The following BMP2K variants were observed in gnomAD, a reference collection of about 807,000 sequenced individuals.
BMP2K encodes the protein BMP2 inducible kinase.
BMP2K carries 74 observed loss-of-function variants against 116.0 expected under a neutral mutation model. The ratio of observed to expected loss-of-function variants is 0.64; its 90% CI spans 0.53 to 0.77. The LOEUF (loss-of-function observed/expected upper bound fraction) is 0.77, where lower values mean the gene tolerates loss of function less well. Ranked by LOEUF, BMP2K falls within the 30% of genes least tolerant of loss-of-function variation. The probability of loss-of-function intolerance (pLI) is 0.00; values close to 1 mark genes in which losing one functional copy is unlikely to be tolerated. For synonymous variants in BMP2K, 486 were observed against 502.5 expected (o/e 0.97, Z 0.44); for missense variants, 1,365 against 1,403.6 (o/e 0.97, Z 0.44).
At chr4:78,838,008 C>T (rs745662277) in intron 3 of BMP2K, among the ~76,000 whole-genome samples, 4 of 152,106 alleles carry the variant, frequency 2.6e-5, no homozygotes, top group Admixed American at 2.6e-4. Context: ...CTGATAAAGA[C>T]GTACTCGAGA....
chr4:78,778,200 G>A (rs1446599467), intron 1 of BMP2K, among the ~76,000 whole-genome samples: 1 of 151,920 alleles, frequency 6.6e-6, no homozygotes, highest in African/African-American at 2.4e-5. Flanking sequence ...TCCCAGATGG[G>A]TCTTTTATTT....
intron 15 of BMP2K, among the ~76,000 whole-genome samples, chr4:78,888,328 T>G (rs1255695457): frequency 6.6e-6 from 1 of 152,226 alleles, no homozygotes; most frequent in Admixed American, 6.5e-5. Context: ...TTATTCTGCA[T>G]AAATGTGTTC....
At chr4:78,846,298 A>C (rs1730996079) in intron 5 of BMP2K, among the ~76,000 whole-genome samples, 1 of 151,650 alleles carries the variant, frequency 6.6e-6, no homozygotes, top group South Asian at 2.1e-4. Context: ...GGTATAGTGA[A>C]TAAAAATCCT....
rs757637048 is a variant in BMP2K at position 78,859,681 on chromosome 4, C to T, written c.981C>T (p.Asn327=). The change falls in exon 8 of 16, where the codon AAC becomes AAT. Residue 327 remains asparagine (N), a synonymous_variant. Coordinates refer to ENST00000502613, the MANE Select transcript of BMP2K (RefSeq NM_198892.2). ...CCAAAAAGGATTGTCCAGTCTCCAACATCAATGTAAGTAGATTTTCAAGTA... is the reference window on the plus strand; with the variant it reads ...CCAAAAAGGATTGTCCAGTCTCCAATATCAATGTAAGTAGATTTTCAAGTA... ...KFAKKDCPVS[N]INNSSIPSAL... 1.3e-6 allele frequency: 2 copies of T among 1,574,246 alleles called. No individual in the cohort carries two copies. Among genetic ancestry groups the T allele is most frequent in the South Asian group, 1.1e-5 (1 of 89,200 alleles).
intron 1 of BMP2K, among the ~76,000 whole-genome samples, chr4:78,793,193 C>T (rs1305548001): frequency 6.6e-6 from 1 of 151,888 alleles, no homozygotes; most frequent in Non-Finnish European, 1.5e-5. Flanking sequence ...GGGCGGATCA[C>T]GAGGTCAGGA....
chr4:78,874,202 A>ACAG (rs1732526718), intron 13 of BMP2K, among the ~76,000 whole-genome samples: 1 of 148,188 alleles, frequency 6.7e-6, no homozygotes, highest in Non-Finnish European at 1.5e-5. Context: ...CACACACACA[A>ACAG]AAAGTTCAGA....
At chr4:78,817,175 G>A (rs539506817) in intron 1 of BMP2K, among the ~76,000 whole-genome samples, 1 of 152,154 alleles carries the variant, frequency 6.6e-6, no homozygotes, top group Non-Finnish European at 1.5e-5. Context: ...TATTATTCCT[G>A]AGTAAATAGC....
At position 78,915,877 on chromosome 4, in the gene BMP2K, T is replaced by C. The variant is rs893041164; in HGVS notation, c.*3844T>C. 5 of 151,970 alleles carry C rather than the reference T, an allele frequency of 3.3e-5. No homozygotes were observed. The highest frequency in any genetic ancestry group is 2.1e-4 in the South Asian group (1 of 4,830). The allele number at this position is 151,970 out of a possible 1,614,324, so 9.4% of individuals were successfully genotyped here. A position where few individuals can be genotyped will look rare whatever the true frequency, so the allele number is the denominator to read the frequency against. On this transcript the variant is annotated 3_prime_UTR_variant, in exon 16 of 16. Coordinates refer to ENST00000502613, the MANE Select transcript of BMP2K (RefSeq NM_198892.2). Reference sequence around the variant, plus strand: ...TTTTATGACTATGCTCTTTTTGTGATTGAAAAGTCATCTAATAGAAGCTGT... The same window carrying C: ...TTTTATGACTATGCTCTTTTTGTGACTGAAAAGTCATCTAATAGAAGCTGT...
intron 3 of BMP2K, among the ~76,000 whole-genome samples, chr4:78,835,316 T>G (rs116274182): frequency 3.3e-5 from 5 of 152,244 alleles, no homozygotes; most frequent in Non-Finnish European, 7.4e-5. Context: ...AAGTAATTTG[T>G]ATATATGGTT....
intron 12 of BMP2K, 21 bp from the exon 13 acceptor site, chr4:78,872,593 T>C: frequency 6.2e-7 from 1 of 1,610,372 alleles, no homozygotes; most frequent in Non-Finnish European, 8.5e-7. Context: ...TTGTTTTGTA[T>C]AATATCATTT....
At chr4:78,780,765 A>G (rs897309052) in intron 1 of BMP2K, among the ~76,000 whole-genome samples, 6 of 152,242 alleles carry the variant, frequency 3.9e-5, no homozygotes, top group African/African-American at 1.4e-4. Context: ...CTTCTGGCCT[A>G]TGAAACTTAC....
intron 1 of BMP2K, among the ~76,000 whole-genome samples, chr4:78,795,210 A>T (rs1728194848): frequency 6.6e-6 from 1 of 152,192 alleles, no homozygotes; most frequent in Non-Finnish European, 1.5e-5. Flanking sequence ...CTCTCAATAG[A>T]CTACAAACTC....
intron 13 of BMP2K, among the ~76,000 whole-genome samples, chr4:78,873,705 TATGC>T (rs1380911613): frequency 6.8e-6 from 1 of 146,126 alleles, no homozygotes; most frequent in Non-Finnish European, 1.5e-5. Context: ...TGTGTGTGTG[TATGC>T]ATGCATGCAT....
chr4:78,809,996 C>G (rs1335433910), intron 1 of BMP2K, among the ~76,000 whole-genome samples: 1 of 152,160 alleles, frequency 6.6e-6, no homozygotes, highest in East Asian at 1.9e-4. Context: ...CTGGATTCCT[C>G]TACTCTCAGG....
chr4:78,803,604 C>T (rs1728678187), intron 1 of BMP2K, among the ~76,000 whole-genome samples: 1 of 152,118 alleles, frequency 6.6e-6, no homozygotes, highest in Non-Finnish European at 1.5e-5. Context: ...GTCTTGAACT[C>T]CTGGCTTCCA....
intron 15 of BMP2K, among the ~76,000 whole-genome samples, chr4:78,898,040 G>A (rs2110089603): frequency 6.6e-6 from 1 of 152,276 alleles, no homozygotes; most frequent in Middle Eastern, 3.4e-3. Context: ...TGTTACTTAT[G>A]GTTAAGCCCT....
At position 78,913,166 on chromosome 4, in the gene BMP2K, A is replaced by G. The variant is rs1322077440; in HGVS notation, c.*1133A>G. Reference sequence around the variant, plus strand: ...GGGTGGAGTAGTTTTAATAAAGTGCACAGAATGGTGACACCCACAAAGCCT... The same window carrying G: ...GGGTGGAGTAGTTTTAATAAAGTGCGCAGAATGGTGACACCCACAAAGCCT... On this transcript the variant is annotated 3_prime_UTR_variant, in exon 16 of 16. Coordinates refer to ENST00000502613, the MANE Select transcript of BMP2K (RefSeq NM_198892.2). 1 of 152,166 alleles carries G rather than the reference A, an allele frequency of 6.6e-6. No homozygotes were observed. The highest frequency in any genetic ancestry group is 1.9e-4 in the East Asian group (1 of 5,206). 9.4% of individuals were successfully genotyped at this position (152,166 alleles called of 1,614,324 possible). A position where few individuals can be genotyped will look rare whatever the true frequency, so the allele number is the denominator to read the frequency against.
At chr4:78,856,292 C>T (rs1193472543) in intron 7 of BMP2K, among the ~76,000 whole-genome samples, 1 of 151,954 alleles carries the variant, frequency 6.6e-6, no homozygotes, top group East Asian at 1.9e-4. Flanking sequence ...CCAAGCCATC[C>T]TCTCACCCCA....
intron 1 of BMP2K, among the ~76,000 whole-genome samples, chr4:78,784,461 G>A (rs1727645158): frequency 1.3e-5 from 2 of 152,214 alleles, no homozygotes; most frequent in South Asian, 4.1e-4. Flanking sequence ...TGACTGAGCT[G>A]TTTTAAATAG....
Sources: allele counts gnomAD v4.1 joint callset (sites outside exome capture counted in the v4.1 genomes callset), GRCh38; gene constraint gnomAD v4.1.1; transcripts MANE v1.5; gene names NCBI Gene and HGNC (gene_info 2026-07-23, HGNC 2026-07-21).